The following FER variants were observed in gnomAD, a reference collection of about 807,000 sequenced individuals.
FER encodes the protein tyrosine-protein kinase Fer.
Under a neutral mutation model 111.0 loss-of-function variants are expected in FER, and 63 were observed. That is an observed-to-expected ratio of 0.57 (90% confidence interval 0.46 to 0.70). The LOEUF is 0.70. FER is among the 30% of genes least tolerant of loss of function. The pLI is 0.00. For synonymous variants in FER, 327 were observed against 313.9 expected, an observed-to-expected ratio of 1.04 and a Z score of -0.44; for missense variants, 914 against 954.0, an observed-to-expected ratio of 0.96 and a Z score of 0.55.
At chr5:108,926,128 T>A (rs1246553947) in intron 10 of FER, among the ~76,000 whole-genome samples, 3 of 151,660 alleles carry the variant, frequency 2.0e-5, no homozygotes, top group African/African-American at 7.2e-5. Flanking sequence ...TTATTTATTT[T>A]TGAAATTGTT....
intron 2 of FER, among the ~76,000 whole-genome samples, chr5:108,787,186 G>A (rs1754831100): frequency 1.3e-5 from 2 of 152,212 alleles, no homozygotes; most frequent in Non-Finnish European, 2.9e-5. Flanking sequence ...CTGCTCCAGG[G>A]TGGAGCAAAG....
chr5:108,934,818 A>G (rs187426981), intron 10 of FER, among the ~76,000 whole-genome samples: 32 of 152,264 alleles, frequency 2.1e-4, no homozygotes, highest in African/African-American at 7.5e-4. Flanking sequence ...GACTACAGCT[A>G]TATTTCTGAC....
At chr5:109,055,396 T>G (rs1240713449) in intron 16 of FER, among the ~76,000 whole-genome samples, 1 of 152,212 alleles carries the variant, frequency 6.6e-6, no homozygotes, top group African/African-American at 2.4e-5. Context: ...TTGTGAAAAC[T>G]ACTTGCAAAT....
At chr5:109,165,595 TGTGTGTGTGTGTG>T (rs1756454357) in intron 17 of FER, among the ~76,000 whole-genome samples, 1 of 45,804 alleles carries the variant, frequency 2.2e-5, no homozygotes, top group African/African-American at 8.2e-5. Flanking sequence ...AGGGAACTGG[TGTGTGTGTGTGTG>T]TGTGTGTGTG....
At chr5:109,003,554 C>T (rs541438769) in intron 13 of FER, among the ~76,000 whole-genome samples, 111 of 152,040 alleles carry the variant, frequency 7.3e-4, no homozygotes, top group African/African-American at 2.6e-3. Context: ...CAGCATGGCA[C>T]ATGTATACAT....
At chr5:108,969,936 A>G (rs534554536) in intron 13 of FER, among the ~76,000 whole-genome samples, 1 of 148,018 alleles carries the variant, frequency 6.8e-6, no homozygotes, top group South Asian at 2.1e-4. Flanking sequence ...CAGTTTAAAA[A>G]CGTTTTTCAT....
intron 16 of FER, among the ~76,000 whole-genome samples, chr5:109,063,987 A>T (rs1774774696): frequency 6.6e-6 from 1 of 152,164 alleles, no homozygotes; most frequent in Non-Finnish European, 1.5e-5. Flanking sequence ...CTTGGTTGTC[A>T]TTTTACATCA....
chr5:108,814,378 G>A (rs908989853), intron 3 of FER, among the ~76,000 whole-genome samples: 9 of 152,142 alleles, frequency 5.9e-5, no homozygotes, highest in African/African-American at 2.2e-4. Flanking sequence ...GTAAAGTGGT[G>A]AAAGTACAGC....
At chr5:109,123,996 G>A (rs773936191) in intron 17 of FER, among the ~76,000 whole-genome samples, 14 of 152,110 alleles carry the variant, frequency 9.2e-5, no homozygotes, top group Non-Finnish European at 2.9e-5. Flanking sequence ...TTGGGAGACC[G>A]AGGTAGATCA....
At chr5:109,060,250 T>C (rs1273178263) in intron 16 of FER, among the ~76,000 whole-genome samples, 5 of 152,146 alleles carry the variant, frequency 3.3e-5, no homozygotes, top group Non-Finnish European at 5.9e-5. Flanking sequence ...AATTGTACAA[T>C]AAGCTGGGTA....
intron 17 of FER, among the ~76,000 whole-genome samples, chr5:109,106,491 A>G (rs1335545263): frequency 6.6e-6 from 1 of 151,832 alleles, no homozygotes; most frequent in East Asian, 1.9e-4. Flanking sequence ...TTGTTCTGAC[A>G]TTTGATTTAC....
At chr5:108,972,557 C>G (rs1430214071) in intron 13 of FER, among the ~76,000 whole-genome samples, 1 of 152,042 alleles carries the variant, frequency 6.6e-6, no homozygotes, top group African/African-American at 2.4e-5. Context: ...CAGTCTTGTA[C>G]TATGTTAGTT....
chr5:109,130,254 A>T (rs1351985994), intron 17 of FER, among the ~76,000 whole-genome samples: 1 of 152,102 alleles, frequency 6.6e-6, no homozygotes, highest in Non-Finnish European at 1.5e-5. Context: ...GTGACATATA[A>T]TAATTTGAGT....
chr5:108,822,769 T>TTATTTTATTTTATTTTATG (rs1561470151), intron 3 of FER, among the ~76,000 whole-genome samples: 1 of 101,758 alleles, frequency 9.8e-6, no homozygotes, highest in Admixed American at 9.6e-5. Context: ...TTTTATTTAT[T>TTATTTTATTTTATTTTATG]TTATTTTATG....
rs111576582 is a variant in FER, at chr5:109,047,079, A to T, written c.1830-25A>T. On this transcript the variant is annotated intron_variant, in intron 15 of 19. Coordinates refer to ENST00000281092, the MANE Select transcript of FER (RefSeq NM_005246.4). ...ATGCTTTATTATTCAAATGATAACT[A>T]TTCGTATATTTTCATCTCATCTAGA... The T allele has an allele frequency of 1.7e-4, 178 of 1,051,262 alleles. 1 individual carries two copies. The African/African-American group carries it at 2.1e-3, about 13-fold the overall frequency. The allele number at this position is 1,051,262 out of a possible 1,614,324, so 65.1% of individuals were successfully genotyped here. A position where few individuals can be genotyped will look rare whatever the true frequency, so the allele number is the denominator to read the frequency against.
chr5:108,843,651 C>G (rs1441440697), intron 5 of FER, among the ~76,000 whole-genome samples: 1 of 151,474 alleles, frequency 6.6e-6, no homozygotes, highest in Non-Finnish European at 1.5e-5. Context: ...TCCTCAGCCT[C>G]CTGAGTAGCT....
At chr5:108,993,861 C>T (rs1554111104) in intron 13 of FER, among the ~76,000 whole-genome samples, 2 of 152,110 alleles carry the variant, frequency 1.3e-5, no homozygotes, top group Non-Finnish European at 2.9e-5. Context: ...TTTTGATTTG[C>T]ATTTCTCTAA....
Position 109,006,686 on chromosome 5 carries a change from G to C in FER, c.1657-30736G>C, listed in dbSNP as rs142333694. Among the ~76,000 whole-genome samples, 1,026 of 151,886 alleles carry C rather than the reference G, an allele frequency of 6.8e-3. 8 individuals are homozygous for C. The highest frequency in any genetic ancestry group is 0.023 in the African/African-American group (959 of 41,272). ...AAACTATAACAAAAATAGGAAGGGT[G>C]GGGGGAGAATTGTTATTTACATGTG... On this transcript the variant is annotated intron_variant, in intron 13 of 19. Coordinates refer to ENST00000281092, the MANE Select transcript of FER (RefSeq NM_005246.4).
At position 108,897,791 on chromosome 5, in the gene FER, G is replaced by A; in HGVS notation, c.1179G>A (p.Gly393=). ...LLEQKVQEND[G]KEPPPVVNYE... Reference sequence around the variant, plus strand: ...AGCAAAAAGTGCAAGAAAATGATGGGAAAGAGCCACCTCCAGTAGTAAATT... The same window carrying A: ...AGCAAAAAGTGCAAGAAAATGATGGAAAAGAGCCACCTCCAGTAGTAAATT... Residue 393 remains glycine, a synonymous_variant, in exon 10 of 20, where the codon GGG becomes GGA. Transcript: ENST00000281092. 1 of 1,613,374 alleles carries A rather than the reference G, an allele frequency of 6.2e-7. No individual in the cohort carries two copies. Among genetic ancestry groups the A allele is most frequent in the Non-Finnish European group, 8.5e-7 (1 of 1,179,654 alleles).
Sources: gnomAD v4.1 joint callset for allele counts (sites outside exome capture counted in the v4.1 genomes callset) on GRCh38, gnomAD v4.1.1 for gene constraint, MANE v1.5 for transcripts, NCBI Gene and HGNC (gene_info 2026-07-23, HGNC 2026-07-21) for gene names.